The following DPP4 variants were observed in gnomAD, a reference collection of about 807,000 sequenced individuals.
The protein encoded by DPP4 is ADCP-2.
In DPP4, 93 loss-of-function variants were observed where a neutral mutation model predicts 122.4. That is an observed-to-expected ratio of 0.76 (90% CI 0.64 to 0.90). The LOEUF (loss-of-function observed/expected upper bound fraction) is 0.90, where lower values mean the gene tolerates loss of function less well. Ranked by LOEUF, DPP4 falls within the 40% of genes least tolerant of loss-of-function variation. DPP4 has a pLI of 0.00. For missense variants in DPP4, 914 were observed against 907.3 expected (o/e 1.01, Z -0.09); for synonymous variants, 321 against 302.9 (o/e 1.06, Z -0.62).
chr2:162,042,552 C>A (rs892960220), intron 5 of DPP4, among the ~76,000 whole-genome samples: 2 of 151,046 alleles, frequency 1.3e-5, no homozygotes, highest in African/African-American at 2.4e-5. Context: ...TTTCTAGATA[C>A]ATTTCATAAG....
Position 162,066,473 on chromosome 2 carries a change from C to T in DPP4, c.94+6926G>A, listed in dbSNP as rs926273465. On this transcript the variant is annotated intron_variant, in intron 2 of 25. Transcript: ENST00000360534. Reference sequence around the variant, plus strand: ...GAGAGAAACTCCTTTCTGTGTCTGCCGGTCCTCTCTATCCCACTTGATTTC... The same window carrying T: ...GAGAGAAACTCCTTTCTGTGTCTGCTGGTCCTCTCTATCCCACTTGATTTC... Among the ~76,000 whole-genome samples the T allele has an allele frequency of 3.3e-5, 5 of 152,228 alleles. No homozygotes were observed. In the South Asian group the frequency reaches 6.2e-4, roughly 19 times the overall value.
intron 10 of DPP4, among the ~76,000 whole-genome samples, chr2:162,028,195 C>T (rs1222515206): frequency 6.6e-6 from 1 of 151,986 alleles, no homozygotes; most frequent in Admixed American, 6.6e-5. Flanking sequence ...TACCCTGTGT[C>T]TACTAAAAAT....
At chr2:162,052,607 G>C (rs1295284802) in intron 2 of DPP4, among the ~76,000 whole-genome samples, 1 of 152,176 alleles carries the variant, frequency 6.6e-6, no homozygotes, top group Non-Finnish European at 1.5e-5. Flanking sequence ...CAGAGAAATG[G>C]AGTGTTGCTG....
At chr2:162,018,949 C>T (rs1027106050) in intron 15 of DPP4, 99 bp from the exon 16 acceptor site, 28 of 1,471,586 alleles carry the variant, frequency 1.9e-5, no homozygotes, top group Non-Finnish European at 2.5e-5. Flanking sequence ...CAGCAGCATG[C>T]CAACGCAATC....
chr2:162,031,970 T>A (rs2106115639), intron 10 of DPP4: 1 of 152,256 alleles, frequency 6.6e-6, no homozygotes, highest in South Asian at 2.1e-4. Context: ...AACTTACTAA[T>A]CGATTTTCCC....
intron 23 of DPP4, among the ~76,000 whole-genome samples, chr2:162,004,001 T>A (rs1258969592): frequency 6.6e-6 from 1 of 151,910 alleles, no homozygotes; most frequent in Non-Finnish European, 1.5e-5. Context: ...GCTGTGTAAG[T>A]TTCTGAATGG....
intron 22 of DPP4, 49 bp downstream of exon 22, chr2:162,008,513 T>G (rs1359621820): frequency 6.7e-7 from 1 of 1,501,222 alleles, no homozygotes; most frequent in African/African-American, 1.4e-5. Flanking sequence ...TTACTGGCAT[T>G]TTGAGGTCAA....
intron 22 of DPP4, among the ~76,000 whole-genome samples, chr2:162,008,254 C>T (rs1277286244): frequency 6.6e-6 from 1 of 151,894 alleles, no homozygotes; most frequent in Non-Finnish European, 1.5e-5. Context: ...TATGTGAAAC[C>T]CAAGAATCAA....
intron 25 of DPP4, among the ~76,000 whole-genome samples, chr2:161,994,463 C>T (rs1700942491): frequency 3.3e-5 from 5 of 152,160 alleles, no homozygotes. Context: ...TAAAACAATC[C>T]TAATTGTTTA....
At chr2:162,008,512 T>A in intron 22 of DPP4, 50 bp downstream of exon 22, 1 of 1,492,318 alleles carries the variant, frequency 6.7e-7, no homozygotes, top group Non-Finnish European at 9.3e-7. Context: ...GTTACTGGCA[T>A]TTTGAGGTCA....
intron 2 of DPP4, among the ~76,000 whole-genome samples, chr2:162,052,732 C>T (rs72868669): frequency 0.018 from 2,759 of 152,258 alleles, 25 homozygotes; most frequent in African/African-American, 0.025. Flanking sequence ...GTGTTAAACA[C>T]AATTCTGGCG....
chr2:162,029,083 G>A (rs963446318), intron 10 of DPP4, among the ~76,000 whole-genome samples: 5 of 152,116 alleles, frequency 3.3e-5, no homozygotes, highest in Non-Finnish European at 5.9e-5. Context: ...ATTTTATAAG[G>A]CAAATTATAT....
chr2:162,011,101 C>T (rs556828833), intron 20 of DPP4, among the ~76,000 whole-genome samples: 27 of 152,204 alleles, frequency 1.8e-4, no homozygotes, highest in Admixed American at 2.6e-4. Flanking sequence ...ACCCACCTCT[C>T]GGGGCTTCAG....
In DPP4 at chr2:162,045,053, G is replaced by A. The variant is rs187598742; in HGVS notation, c.366+479C>T. 2.0e-3 allele frequency among the ~76,000 whole-genome samples: 296 copies of A among 151,416 alleles called. 1 individual carries two copies. The highest frequency in any genetic ancestry group is 7.0e-3 in the African/African-American group (288 of 41,136). ...GGTAACTGTAGCTTCCAACTCCTGG[G>A]CTCAAGTGATCCTCCTGCTTCAGCC... On this transcript the variant is annotated intron_variant, in intron 5 of 25. Transcript: ENST00000360534.
At position 161,995,098 on chromosome 2, in the gene DPP4, G is replaced by A. The variant is rs1184072090; in HGVS notation, c.2126-64C>T. ...CACTCCAGTTTTCTGGTACCAAGGG[G>A]TGGGAAAGGCACAAGAAGAAAGGGA... On this transcript the variant is annotated intron_variant, in intron 24 of 25. Coordinates refer to ENST00000360534, the MANE Select transcript of DPP4 (RefSeq NM_001935.4). 5 of 1,558,848 alleles carry A rather than the reference G, an allele frequency of 3.2e-6. No individual in the cohort carries two copies. The African/African-American group carries it at 4.1e-5, about 13-fold the overall frequency.
intron 11 of DPP4, among the ~76,000 whole-genome samples, chr2:162,023,580 C>T (rs544844475): frequency 1.5e-4 from 23 of 152,314 alleles, no homozygotes; most frequent in Admixed American, 2.6e-4. Flanking sequence ...GCTCAGCACA[C>T]GGCAACTTAC....
intron 17 of DPP4, 21 bp from the exon 18 acceptor site, chr2:162,016,887 G>C: frequency 6.3e-7 from 1 of 1,588,132 alleles, no homozygotes; most frequent in Non-Finnish European, 8.6e-7. Context: ...ACAGGAGACA[G>C]CAGTCATTCA....
chr2:162,038,352 G>A lies in DPP4; in HGVS notation c.563C>T (p.Thr188Met), dbSNP rs147146003. ...PNLPSYRITWTGKEDIIYNGI... is the reference protein window; with the variant it reads ...PNLPSYRITWMGKEDIIYNGI... ...ATTATATATTATATCTTCTTTCCCC[G>A]TCCATGTGATTCTGTAACTTGGTAA... is the stretch of plus-strand genomic sequence containing the variant. Residue 188 changes from threonine to methionine, a missense_variant, in exon 8 of 26, where the codon ACG becomes ATG. Coordinates refer to ENST00000360534, the MANE Select transcript of DPP4 (RefSeq NM_001935.4). 2.6e-5 allele frequency: 41 copies of A among 1,606,280 alleles called. No homozygotes were observed. Among genetic ancestry groups the A allele is most frequent in the African/African-American group, 1.3e-4 (10 of 74,310 alleles).
At chr2:162,073,595 T>A in intron 1 of DPP4, 109 bp from the exon 2 acceptor site, 1 of 1,111,690 alleles carries the variant, frequency 9.0e-7, no homozygotes, top group Non-Finnish European at 1.4e-6. Context: ...TGGGAGTGCG[T>A]TAGAAGAGGG....
Sources: gnomAD v4.1 joint callset for allele counts (sites outside exome capture counted in the v4.1 genomes callset) on GRCh38, gnomAD v4.1.1 for gene constraint, MANE v1.5 for transcripts, NCBI Gene and HGNC (gene_info 2026-07-23, HGNC 2026-07-21) for gene names.